The following HERPUD2 variants were observed in gnomAD, a reference collection of about 807,000 sequenced individuals.
The protein encoded by HERPUD2 is homocysteine-responsive endoplasmic reticulum-resident ubiquitin-like domain member 2 protein.
HERPUD2 carries 13 observed loss-of-function variants against 49.9 expected under a neutral mutation model. That is an observed-to-expected ratio of 0.26 (90% CI 0.17 to 0.41). The LOEUF (loss-of-function observed/expected upper bound fraction) is 0.41. Among genes scored for constraint, HERPUD2 ranks in the 10% least tolerant of loss-of-function variants. HERPUD2 has a pLI of 1.00. For synonymous variants in HERPUD2, 172 were observed against 171.4 expected (o/e 1.00, Z -0.03); for missense variants, 449 against 492.2 (o/e 0.91, Z 0.83).
intron 5 of HERPUD2, among the ~76,000 whole-genome samples, chr7:35,657,754 CAA>C (rs769917771): frequency 4.7e-5 from 6 of 127,288 alleles, no homozygotes; most frequent in Admixed American, 7.9e-5. Flanking sequence ...CTAAAAAATA[CAA>C]AAAAAAAAAA....
chr7:35,691,016 T>C (rs1786172157), intron 2 of HERPUD2, among the ~76,000 whole-genome samples: 8 of 152,176 alleles, frequency 5.3e-5, no homozygotes. Flanking sequence ...TCCTGTATAA[T>C]ACTAGTCACA....
chr7:35,641,325 T>C (rs1226934769), intron 5 of HERPUD2, among the ~76,000 whole-genome samples: 1 of 152,092 alleles, frequency 6.6e-6, no homozygotes, highest in Non-Finnish European at 1.5e-5. Context: ...CCTTTAAAAA[T>C]GTTTTGCTCT....
intron 6 of HERPUD2, 68 bp from the exon 7 acceptor site, chr7:35,635,526 T>G (rs1222264473): frequency 7.8e-7 from 1 of 1,289,556 alleles, no homozygotes; most frequent in African/African-American, 1.5e-5. Flanking sequence ...TTTTTTAAAC[T>G]TCTTGGGGAG....
intron 2 of HERPUD2, among the ~76,000 whole-genome samples, chr7:35,684,692 C>T (rs1562687521): frequency 6.6e-6 from 1 of 152,030 alleles, no homozygotes; most frequent in Non-Finnish European, 1.5e-5. Context: ...GGAGTTAAAG[C>T]TATGAGGATA....
intron 5 of HERPUD2, among the ~76,000 whole-genome samples, chr7:35,655,955 G>C (rs1169932184): frequency 6.6e-6 from 1 of 152,174 alleles, no homozygotes; most frequent in African/African-American, 2.4e-5. Flanking sequence ...GAGGTCAGGA[G>C]TTTGAGACCA....
intron 5 of HERPUD2, among the ~76,000 whole-genome samples, chr7:35,641,594 A>G (rs1401347035): frequency 2.6e-5 from 4 of 152,218 alleles, no homozygotes; most frequent in Non-Finnish European, 5.9e-5. Flanking sequence ...ACAGTAACCA[A>G]ACCAGCACAG....
chr7:35,677,837 T>C lies in HERPUD2; in HGVS notation c.148-4559A>G, dbSNP rs190952928. On this transcript the variant is annotated intron_variant, in intron 2 of 8. Transcript: ENST00000311350. ...GGGATGGGGGTCTTGTGTAGAGGAG[T>C]TGGACTTACAGAACAATATGACAGA... Among the ~76,000 whole-genome samples the C allele has an allele frequency of 2.6e-5, 4 of 152,068 alleles. No homozygotes were observed. The East Asian group carries it at 7.7e-4, about 29-fold the overall frequency.
intron 5 of HERPUD2, among the ~76,000 whole-genome samples, chr7:35,665,538 AG>A (rs1785518993): frequency 6.6e-6 from 1 of 152,218 alleles, no homozygotes; most frequent in Admixed American, 6.5e-5. Context: ...TTTGTAGTAA[AG>A]GGAATTCCCC....
chr7:35,634,016 A>G (rs941370330), intron 8 of HERPUD2, among the ~76,000 whole-genome samples, 165 bp from the exon 9 acceptor site: 9 of 152,216 alleles, frequency 5.9e-5, no homozygotes, highest in Non-Finnish European at 1.2e-4. Context: ...CTGTTCCGTA[A>G]AGGGGACAAC....
intron 2 of HERPUD2, among the ~76,000 whole-genome samples, chr7:35,682,243 A>G (rs546455649): frequency 2.2e-5 from 2 of 90,076 alleles, no homozygotes; most frequent in East Asian, 4.5e-4. Context: ...ATATATACAC[A>G]TACACACGTG....
chr7:35,669,156 T>C (rs1785596516), intron 4 of HERPUD2, among the ~76,000 whole-genome samples: 1 of 152,126 alleles, frequency 6.6e-6, no homozygotes, highest in African/African-American at 2.4e-5. Context: ...TCTGTGCCAA[T>C]GCCAATGTCT....
At chr7:35,648,600 T>C (rs1746197765) in intron 5 of HERPUD2, among the ~76,000 whole-genome samples, 1 of 152,220 alleles carries the variant, frequency 6.6e-6, no homozygotes, top group Non-Finnish European at 1.5e-5. Flanking sequence ...AGAGTGGCCA[T>C]GTGATTGCTT....
intron 5 of HERPUD2, among the ~76,000 whole-genome samples, chr7:35,650,459 T>G (rs1192873603): frequency 6.6e-6 from 1 of 151,904 alleles, no homozygotes; most frequent in Non-Finnish European, 1.5e-5. Context: ...GAGTTCACAA[T>G]GGGTCCCACA....
At chr7:35,638,219 C>T in intron 6 of HERPUD2, 131 bp downstream of exon 6, 2 of 823,090 alleles carry the variant, frequency 2.4e-6, no homozygotes, top group South Asian at 3.5e-5. Context: ...GAGGTGAACC[C>T]TTTTTCCTTT....
chr7:35,686,475 A>ACC (rs377700677), intron 2 of HERPUD2, among the ~76,000 whole-genome samples: 149,269 of 149,276 alleles, frequency 1, 74,631 homozygotes, highest in Non-Finnish European at 1. Flanking sequence ...GCGTCAGCGC[A>ACC]GCGCCCGGCC....
At chr7:35,677,769 G>A (rs1038116476) in intron 2 of HERPUD2, among the ~76,000 whole-genome samples, 1 of 152,180 alleles carries the variant, frequency 6.6e-6, no homozygotes, top group African/African-American at 2.4e-5. Context: ...TGATGCAAGA[G>A]AGAAAAACAA....
At chr7:35,671,993 T>C (rs1331241578) in intron 3 of HERPUD2, among the ~76,000 whole-genome samples, 1 of 152,020 alleles carries the variant, frequency 6.6e-6, no homozygotes, top group African/African-American at 2.4e-5. Flanking sequence ...TTAGGGCTAT[T>C]CTAAGTGATA....
At position 35,634,357 on chromosome 7, in the gene HERPUD2, A is replaced by C. The variant is rs1400345896; in HGVS notation, c.1014T>G (p.Val338=). Residue 338 remains valine (V), a synonymous_variant, in exon 8 of 9, where the codon GTT becomes GTG. Transcript: ENST00000311350. ...HQQAPNNNAE[V]NNDGQNANNL... ...TGTTTGCATTTTGCCCATCATTGTTAACTTCGGCATTATTGTTGGGAGCCT... is the reference window on the plus strand; with the variant it reads ...TGTTTGCATTTTGCCCATCATTGTTCACTTCGGCATTATTGTTGGGAGCCT... 1 of 1,613,916 alleles carries C rather than the reference A, an allele frequency of 6.2e-7. No homozygotes were observed. The highest frequency in any genetic ancestry group is 1.7e-5 in the Admixed American group (1 of 60,008).
intron 2 of HERPUD2, among the ~76,000 whole-genome samples, chr7:35,690,946 C>T (rs774776028): frequency 7.2e-5 from 11 of 152,202 alleles, no homozygotes. Context: ...ATTCCCCTAA[C>T]CCCTACTCCA....
Sources: allele counts gnomAD v4.1 joint callset (sites outside exome capture counted in the v4.1 genomes callset), GRCh38; gene constraint gnomAD v4.1.1; transcripts MANE v1.5; gene names NCBI Gene and HGNC (gene_info 2026-07-23, HGNC 2026-07-21).